Variants in TRPS1 observed in about 807,000 individuals in gnomAD.
TRPS1 encodes the protein transcriptional repressor GATA binding 1.
Under a neutral mutation model 101.2 loss-of-function variants are expected in TRPS1, and 6 were observed. The observed-to-expected ratio is 0.06, with a 90% CI of 0.03 to 0.12. The LOEUF (loss-of-function observed/expected upper bound fraction) is 0.12, where lower values mean the gene tolerates loss of function less well. Ranked by LOEUF, TRPS1 falls within the 10% of genes least tolerant of loss-of-function variation. The probability of loss-of-function intolerance (pLI) is 1.00; values close to 1 mark genes in which losing one functional copy is unlikely to be tolerated. For missense variants in TRPS1, 1,363 were observed against 1,567.0 expected, an observed-to-expected ratio of 0.87 and a Z score of 2.20; for synonymous variants, 578 against 589.8, an observed-to-expected ratio of 0.98 and a Z score of 0.29.
intron 1 of TRPS1, among the ~76,000 whole-genome samples, chr8:115,633,301 C>A (rs1818691593): frequency 6.6e-6 from 1 of 151,954 alleles, no homozygotes; most frequent in Non-Finnish European, 1.5e-5. Context: ...GCAACAGACA[C>A]CCTAACAGGG....
chr8:115,594,941 T>C (rs1402543811), intron 4 of TRPS1, among the ~76,000 whole-genome samples: 1 of 151,892 alleles, frequency 6.6e-6, no homozygotes, highest in Non-Finnish European at 1.5e-5. Flanking sequence ...TGAAGAGCTC[T>C]TTTTTACTAG....
In TRPS1 at chr8:115,668,954, G is replaced by T; in HGVS notation, c.-531C>A. 1 of 152,260 alleles carries T rather than the reference G, an allele frequency of 6.6e-6. No individual in the cohort carries two copies. The highest frequency in any genetic ancestry group is 1.9e-4 in the South Asian group (1 of 5,260). 9.4% of individuals were successfully genotyped at this position (152,260 alleles called of 1,614,324 possible). On this transcript the variant is annotated 5_prime_UTR_variant, in exon 1 of 7. Transcript: ENST00000395715. ...TATCAGAAATGTTATCGCTTGTCAG[G>T]ACCTCAGTCTCCGCGCATTACGTCA... is the stretch of plus-strand genomic sequence containing the variant.
rs1414351844 is a variant in TRPS1, at chr8:115,586,994, A to G, written c.2700+7T>C. The G allele has an allele frequency of 6.2e-7, 1 of 1,614,008 alleles. No homozygotes were observed. Among genetic ancestry groups the G allele is most frequent in the Non-Finnish European group, 8.5e-7 (1 of 1,180,040 alleles). ...AAATGAATTATTTAAAAATGAAACCATCCTACCCGTAACAGGGACTGGGAT... is the reference window on the plus strand; with the variant it reads ...AAATGAATTATTTAAAAATGAAACCGTCCTACCCGTAACAGGGACTGGGAT... On this transcript the variant is annotated splice_region_variant and intron_variant, in intron 5 of 6. Transcript: ENST00000395715.
intron 5 of TRPS1, among the ~76,000 whole-genome samples, chr8:115,500,469 T>C (rs1333890813): frequency 1.3e-5 from 2 of 152,172 alleles, no homozygotes; most frequent in East Asian, 1.9e-4. Context: ...TTATAATCCA[T>C]CCTTACTGAA....
At chr8:115,490,465 CA>C in intron 5 of TRPS1, among the ~76,000 whole-genome samples, 1 of 152,134 alleles carries the variant, frequency 6.6e-6, no homozygotes, top group African/African-American at 2.4e-5. Flanking sequence ...TGCATGCTTG[CA>C]AAAATAACTT....
rs370264812 is a variant in TRPS1, at chr8:115,515,617, T to G, written c.2700+71384A>C. Among the ~76,000 whole-genome samples, 66 of 151,562 alleles carry G rather than the reference T, an allele frequency of 4.4e-4. 1 individual carries two copies. Among genetic ancestry groups the G allele is most frequent in the African/African-American group, 1.6e-3 (65 of 41,486 alleles). ...TTTTGGTAATTGTAAAAAGTTATAT[T>G]CTAAGTGCTCTTATAATACTTAGTA... On this transcript the variant is annotated intron_variant, in intron 5 of 6. Coordinates refer to ENST00000395715, the MANE Select transcript of TRPS1 (RefSeq NM_014112.5).
intron 5 of TRPS1, among the ~76,000 whole-genome samples, chr8:115,498,858 T>A (rs1447387635): frequency 1.3e-5 from 2 of 152,100 alleles, no homozygotes; most frequent in Non-Finnish European, 2.9e-5. Context: ...TTAACTGAAG[T>A]TGTAATAATG....
intron 5 of TRPS1, among the ~76,000 whole-genome samples, chr8:115,565,500 T>C (rs1817047659): frequency 6.7e-6 from 1 of 149,522 alleles, no homozygotes; most frequent in South Asian, 2.1e-4. Context: ...TTTTTTTTGT[T>C]TTCTTTATTA....
chr8:115,533,444 T>TTTTTTGTTTTG lies in TRPS1; in HGVS notation c.2700+53556_2700+53557insCAAAACAAAAA, dbSNP rs1554583390. 6.2e-3 allele frequency among the ~76,000 whole-genome samples: 781 copies of TTTTTTGTTTTG among 126,532 alleles called. 19 individuals carry two copies. Among genetic ancestry groups the TTTTTTGTTTTG allele is most frequent in the African/African-American group, 0.025 (743 of 29,506 alleles). The allele number at this position is 126,532 out of a possible 152,430, so 83.0% of individuals were successfully genotyped here. On this transcript the variant is annotated intron_variant, in intron 5 of 6. Transcript: ENST00000395715. ...CTTCCCACATGTAATCTGTTTTTTT[T>TTTTTTGTTTTG]TTTTTTTTTTTTTTTCCTGAAAAAA...
rs1266527929 is a variant in TRPS1 at position 115,640,469 on chromosome 8, T to A, written c.-121-16711A>T. On this transcript the variant is annotated intron_variant, in intron 1 of 6. Coordinates refer to ENST00000395715, the MANE Select transcript of TRPS1 (RefSeq NM_014112.5). ...AAGTCTTTGCAACGACAAAATGATG[T>A]GCATGGAGTTTTAAGCTTTTAAAAG... 3.3e-5 allele frequency among the ~76,000 whole-genome samples: 5 copies of A among 152,336 alleles called. No homozygotes were observed. In the East Asian group the frequency reaches 7.7e-4, roughly 23 times the overall value.
chr8:115,595,828 G>A (rs72680028), intron 4 of TRPS1, among the ~76,000 whole-genome samples: 3,900 of 151,820 alleles, frequency 0.026, 70 homozygotes, highest in Non-Finnish European at 0.041. Flanking sequence ...AATAAATCAT[G>A]TATACAAATA....
intron 5 of TRPS1, among the ~76,000 whole-genome samples, chr8:115,428,932 A>G (rs1421818725): frequency 6.6e-6 from 1 of 152,222 alleles, no homozygotes; most frequent in African/African-American, 2.4e-5. Flanking sequence ...TTGTCTTTAA[A>G]TAAGAGCTCT....
At chr8:115,509,576 C>T (rs1210881840) in intron 5 of TRPS1, 2 of 151,914 alleles carry the variant, frequency 1.3e-5, no homozygotes, top group African/African-American at 4.8e-5. Flanking sequence ...TCCTTCAAGA[C>T]TAATTAATGT....
At chr8:115,544,251 G>C (rs1489392028) in intron 5 of TRPS1, among the ~76,000 whole-genome samples, 1 of 150,944 alleles carries the variant, frequency 6.6e-6, no homozygotes, top group Admixed American at 6.6e-5. Flanking sequence ...GCCTTCTTCA[G>C]GCCTCATTTG....
intron 5 of TRPS1, among the ~76,000 whole-genome samples, chr8:115,464,737 A>G (rs1462898692): frequency 6.6e-6 from 1 of 152,128 alleles, no homozygotes; most frequent in Non-Finnish European, 1.5e-5. Context: ...TTTGAATGAA[A>G]AAACTTCGAC....
chr8:115,414,983 C>A lies in TRPS1; in HGVS notation c.2925G>T (p.Gln975His). 1 of 1,577,502 alleles carries A rather than the reference C, an allele frequency of 6.3e-7. No homozygotes were observed. Among genetic ancestry groups the A allele is most frequent in the Non-Finnish European group, 8.6e-7 (1 of 1,165,910 alleles). ...TGCTGCCCCTCTGCTGTTTGTTGAGCTGCTCAGCCTGAAGTGCCTCTGGGT... is the reference window on the plus strand; with the variant it reads ...TGCTGCCCCTCTGCTGTTTGTTGAGATGCTCAGCCTGAAGTGCCTCTGGGT... ...RLNPEALQAEQLNKQQRGSNE... is the reference protein window; with the variant it reads ...RLNPEALQAEHLNKQQRGSNE... Residue 975 changes from glutamine to histidine, a missense_variant, in exon 7 of 7, where the codon CAG (glutamine) becomes CAT (histidine). This residue lies in a region of TRPS1 where 307 missense variants were observed against 392.4 expected (regional missense o/e 0.78). Coordinates refer to ENST00000395715, the MANE Select transcript of TRPS1 (RefSeq NM_014112.5). This position sits in a 1 kb window ranked among gnomAD's most constrained non-coding sequence, Gnocchi z 4.8.
intron 5 of TRPS1, among the ~76,000 whole-genome samples, chr8:115,483,809 T>C (rs1814815060): frequency 6.6e-6 from 1 of 152,154 alleles, no homozygotes; most frequent in Admixed American, 6.6e-5. Context: ...ATCCGCAGAA[T>C]TGAACACAGC....
chr8:115,652,427 C>T (rs748624893), intron 1 of TRPS1, among the ~76,000 whole-genome samples: 2 of 152,160 alleles, frequency 1.3e-5, no homozygotes, highest in African/African-American at 4.8e-5. Context: ...GAACAAACTC[C>T]GTATCTGACT....
chr8:115,643,873 A>C (rs1445171417), intron 1 of TRPS1, among the ~76,000 whole-genome samples: 1 of 152,224 alleles, frequency 6.6e-6, no homozygotes, highest in Non-Finnish European at 1.5e-5. Context: ...CCTTGATCCA[A>C]GGACTGCTGA....
Sources: gnomAD v4.1 joint callset for allele counts (sites outside exome capture counted in the v4.1 genomes callset) on GRCh38, gnomAD v4.1.1 for gene constraint, gnomAD v4.1.1 regional missense constraint, Gnocchi (gnomAD v3.1) non-coding constraint, MANE v1.5 for transcripts, NCBI Gene and HGNC (gene_info 2026-07-23, HGNC 2026-07-21) for gene names.